The following VPS26A variants were observed in gnomAD, a reference collection of about 807,000 sequenced individuals.
The protein encoded by VPS26A is VPS26 retromer complex component A, also known as vacuolar protein sorting-associated protein 26A.
In VPS26A, 22 loss-of-function variants were observed where a neutral mutation model predicts 42.4. That is an observed-to-expected ratio of 0.52 (90% CI 0.37 to 0.74). The LOEUF is 0.74. VPS26A is among the 30% of genes least tolerant of loss of function. The probability of loss-of-function intolerance (pLI) is 0.00; values close to 1 mark genes in which losing one functional copy is unlikely to be tolerated. For missense variants in VPS26A, 276 were observed against 379.2 expected (o/e 0.73, Z 2.26); for synonymous variants, 110 against 123.5 (o/e 0.89, Z 0.73).
intron 1 of VPS26A, among the ~76,000 whole-genome samples, chr10:69,129,527 T>TA (rs1004011775): frequency 1.3e-5 from 2 of 151,940 alleles, no homozygotes; most frequent in African/African-American, 4.8e-5. Context: ...CAGAAAAGAT[T>TA]AAAACGTGTC....
chr10:69,167,423 CAAAAAA>C (rs1299767647), intron 7 of VPS26A, among the ~76,000 whole-genome samples: 1 of 110,842 alleles, frequency 9.0e-6, no homozygotes, highest in East Asian at 2.5e-4. Flanking sequence ...GATCCTGCCT[CAAAAAA>C]AAGAAAAAGA....
intron 6 of VPS26A, among the ~76,000 whole-genome samples, chr10:69,164,258 C>A (rs1197486825): frequency 6.6e-6 from 1 of 150,436 alleles, no homozygotes; most frequent in Non-Finnish European, 1.5e-5. Context: ...CACACTGTCA[C>A]CCAGGCTGGA....
At position 69,171,405 on chromosome 10, in the gene VPS26A, A is replaced by G; in HGVS notation, c.*136A>G. ...ATATATGTTAGTCTTCCTTTATCTTACAGCGCAGCATTTATTTTATGATAT... is the reference window on the plus strand; with the variant it reads ...ATATATGTTAGTCTTCCTTTATCTTGCAGCGCAGCATTTATTTTATGATAT... On this transcript the variant is annotated 3_prime_UTR_variant, in exon 9 of 9. Transcript: ENST00000263559. 1.6e-6 allele frequency: 1 copy of G among 635,498 alleles called. No individual in the cohort carries two copies. The highest frequency in any genetic ancestry group is 2.9e-5 in the East Asian group (1 of 33,978). 39.4% of individuals were successfully genotyped at this position (635,498 alleles called of 1,614,324 possible).
chr10:69,153,376 C>T (rs1472718133), intron 2 of VPS26A, among the ~76,000 whole-genome samples: 2 of 151,552 alleles, frequency 1.3e-5, no homozygotes, highest in Non-Finnish European at 2.9e-5. Flanking sequence ...CAAGGTCTTG[C>T]CCTGTTGTCC....
chr10:69,142,646 A>G (rs1174440587), intron 2 of VPS26A, among the ~76,000 whole-genome samples: 1 of 152,098 alleles, frequency 6.6e-6, no homozygotes, highest in Admixed American at 6.5e-5. Context: ...TAAACCTCAT[A>G]TTTAGAATAA....
chr10:69,137,725 A>C (rs1840945746), intron 2 of VPS26A, among the ~76,000 whole-genome samples: 1 of 152,108 alleles, frequency 6.6e-6, no homozygotes. Flanking sequence ...ACCCACACTC[A>C]AGAGGATTAT....
chr10:69,134,240 AT>A (rs1262738447), intron 2 of VPS26A, among the ~76,000 whole-genome samples: 2 of 152,190 alleles, frequency 1.3e-5, no homozygotes, highest in African/African-American at 4.8e-5. Context: ...TAATCTCCGC[AT>A]TAATTGATAT....
rs1841852966 is a variant in VPS26A, at chr10:69,173,152, G to A, written c.*1883G>A. Among the ~76,000 whole-genome samples the A allele has an allele frequency of 1.3e-5, 2 of 152,174 alleles. No homozygotes were observed. Among genetic ancestry groups the A allele is most frequent in the African/African-American group, 4.8e-5 (2 of 41,436 alleles). Reference sequence around the variant, plus strand: ...ATTTGGTGATTTCAGTCAAAAGTCAGCCAGCTAATTAGAAGTCATAAACTG... The same window carrying A: ...ATTTGGTGATTTCAGTCAAAAGTCAACCAGCTAATTAGAAGTCATAAACTG... On this transcript the variant is annotated 3_prime_UTR_variant, in exon 9 of 9. Transcript: ENST00000263559.
At chr10:69,148,170 A>G (rs1564679211) in intron 2 of VPS26A, among the ~76,000 whole-genome samples, 1 of 152,198 alleles carries the variant, frequency 6.6e-6, no homozygotes, top group African/African-American at 2.4e-5. Context: ...AGTAATTAAG[A>G]TAGTTGGTAA....
intron 1 of VPS26A, among the ~76,000 whole-genome samples, chr10:69,127,311 T>C (rs1423728414): frequency 1.3e-5 from 2 of 149,450 alleles, no homozygotes; most frequent in African/African-American, 4.9e-5. Flanking sequence ...TGGTGCACTT[T>C]GGGAGGCCGA....
At chr10:69,131,424 C>T (rs544635662) in intron 1 of VPS26A, among the ~76,000 whole-genome samples, 2 of 150,548 alleles carry the variant, frequency 1.3e-5, no homozygotes, top group East Asian at 4.1e-4. Context: ...CCTGTCTCTA[C>T]AAAAATTTTT....
chr10:69,126,391 T>C (rs1056528161), intron 1 of VPS26A, among the ~76,000 whole-genome samples: 1 of 152,030 alleles, frequency 6.6e-6, no homozygotes, highest in African/African-American at 2.4e-5. Flanking sequence ...CTGACCAACA[T>C]GGTGAAACTC....
chr10:69,145,029 A>T (rs6480385), intron 2 of VPS26A, among the ~76,000 whole-genome samples: 115,028 of 151,758 alleles, frequency 0.76, 45,671 homozygotes, highest in Non-Finnish European at 0.89. Flanking sequence ...TTATTTAATT[A>T]AATTAATTAA....
intron 2 of VPS26A, among the ~76,000 whole-genome samples, chr10:69,139,039 C>T (rs933971457): frequency 3.9e-5 from 6 of 152,038 alleles, no homozygotes; most frequent in African/African-American, 1.4e-4. Flanking sequence ...TTCCTTTCGC[C>T]CTCACTTAGT....
At chr10:69,171,107 G>A (rs764049782) in intron 8 of VPS26A, 49 bp from the exon 9 acceptor site, 21 of 1,405,818 alleles carry the variant, frequency 1.5e-5, no homozygotes, top group East Asian at 2.3e-5. Flanking sequence ...ATAGAGATAA[G>A]GCATCATATC....
Position 69,141,604 on chromosome 10 carries a change from T to C in VPS26A, c.153+8557T>C, listed in dbSNP as rs568043189. Among the ~76,000 whole-genome samples, 3 of 152,334 alleles carry C rather than the reference T, an allele frequency of 2.0e-5. No homozygotes were observed. In the South Asian group the frequency reaches 6.2e-4, roughly 32 times the overall value. On this transcript the variant is annotated intron_variant, in intron 2 of 8. Coordinates refer to ENST00000263559, the MANE Select transcript of VPS26A (RefSeq NM_004896.5). Reference sequence around the variant, plus strand: ...TGAGCAGTGCCTGTATTGATTAATATTATTTTGATCCACAGATTCTTCTGA... The same window carrying C: ...TGAGCAGTGCCTGTATTGATTAATACTATTTTGATCCACAGATTCTTCTGA...
At position 69,168,591 on chromosome 10, in the gene VPS26A, T is replaced by C. The variant is rs1841745062; in HGVS notation, c.830T>C (p.Val277Ala). The C allele has an allele frequency of 6.2e-7, 1 of 1,614,194 alleles. No homozygotes were observed. Among genetic ancestry groups the C allele is most frequent in the Non-Finnish European group, 8.5e-7 (1 of 1,180,028 alleles). The change falls in exon 8 of 9, where the codon GTG becomes GCG. Residue 277 changes from valine (V) to alanine (A), a missense_variant. Transcript: ENST00000263559. ...KFSVRYFLNLVLVDEEDRRYF... is the reference protein window; with the variant it reads ...KFSVRYFLNLALVDEEDRRYF... ...TCAGTAAGGTACTTTTTGAATTTAG[T>C]GCTTGTTGATGAGGAAGACCGGAGG...
intron 2 of VPS26A, among the ~76,000 whole-genome samples, chr10:69,145,726 C>CT (rs59254404): frequency 0.65 from 94,981 of 146,222 alleles, 34,225 homozygotes; most frequent in Non-Finnish European, 0.82. Context: ...TTTTTCTTTT[C>CT]TTTTTTTTTT....
chr10:69,134,238 G>T (rs145073748), intron 2 of VPS26A, among the ~76,000 whole-genome samples: 5 of 151,932 alleles, frequency 3.3e-5, no homozygotes, highest in Non-Finnish European at 7.4e-5. Context: ...TCTAATCTCC[G>T]CATTAATTGA....
Sources: gnomAD v4.1 joint callset for allele counts (sites outside exome capture counted in the v4.1 genomes callset) on GRCh38, gnomAD v4.1.1 for gene constraint, MANE v1.5 for transcripts, NCBI Gene and HGNC (gene_info 2026-07-23, HGNC 2026-07-21) for gene names.